Variants in PTPRD observed in about 807,000 individuals in gnomAD.
PTPRD encodes the protein receptor-type tyrosine-protein phosphatase delta.
A neutral mutation model predicts 214.5 loss-of-function variants in PTPRD; 34 were observed. That is an observed-to-expected ratio of 0.16 (90% CI 0.12 to 0.21). PTPRD has a LOEUF of 0.21. Among genes scored for constraint, PTPRD ranks in the 10% least tolerant of loss-of-function variants. PTPRD has a pLI of 1.00. For synonymous variants in PTPRD, 1,128 were observed against 845.7 expected, an observed-to-expected ratio of 1.33 and a Z score of -5.79; for missense variants, 2,545 against 2,398.7, an observed-to-expected ratio of 1.06 and a Z score of -1.27.
chr9:9,704,504 C>A (rs887398470), intron 7 of PTPRD, among the ~76,000 whole-genome samples: 5 of 152,086 alleles, frequency 3.3e-5, no homozygotes, highest in Non-Finnish European at 5.9e-5. Context: ...TTGATAACTC[C>A]CCAATTCAAA....
At chr9:10,587,595 C>T (rs2074261576) in intron 2 of PTPRD, among the ~76,000 whole-genome samples, 1 of 151,966 alleles carries the variant, frequency 6.6e-6, no homozygotes, top group African/African-American at 2.4e-5. Context: ...ATTGCATTTC[C>T]TCATCACTCT....
intron 5 of PTPRD, among the ~76,000 whole-genome samples, chr9:9,908,668 A>C (rs1023487102): frequency 4.6e-5 from 7 of 151,994 alleles, no homozygotes; most frequent in Admixed American, 3.9e-4. Context: ...TTTGCTATTT[A>C]ATATGTGAGT....
chr9:9,029,490 C>T (rs1044654716), intron 10 of PTPRD, among the ~76,000 whole-genome samples: 1 of 58,200 alleles, frequency 1.7e-5, no homozygotes, highest in Admixed American at 1.7e-4. Flanking sequence ...TGCCTAGCTA[C>T]TTGCACTAAA....
At chr9:9,458,377 T>C (rs1453258723) in intron 8 of PTPRD, among the ~76,000 whole-genome samples, 1 of 152,110 alleles carries the variant, frequency 6.6e-6, no homozygotes, top group Non-Finnish European at 1.5e-5. Context: ...CGTTTATTTT[T>C]TACTAACATT....
intron 3 of PTPRD, among the ~76,000 whole-genome samples, chr9:10,181,122 T>C (rs1015342339): frequency 3.3e-5 from 5 of 152,026 alleles, no homozygotes; most frequent in African/African-American, 7.2e-5. Flanking sequence ...AAATAACAAA[T>C]ATTTGTTAAT....
At position 9,669,583 on chromosome 9, in the gene PTPRD, T is replaced by C. The variant is rs191889624; in HGVS notation, c.-287+64950A>G. Among the ~76,000 whole-genome samples, 1,187 of 152,300 alleles carry C rather than the reference T, an allele frequency of 7.8e-3. 13 individuals carry two copies. Among genetic ancestry groups the C allele is most frequent in the African/African-American group, 0.027 (1,130 of 41,570 alleles). On this transcript the variant is annotated intron_variant, in intron 7 of 45. Coordinates refer to ENST00000381196, the MANE Select transcript of PTPRD (RefSeq NM_002839.4). ...TATTGAAAAATGATGTTTTTAAACT[T>C]GTTAAAAATATCAGATTTATTGTAC...
intron 9 of PTPRD, among the ~76,000 whole-genome samples, chr9:9,286,385 C>T (rs926973639): frequency 2.6e-5 from 4 of 151,770 alleles, no homozygotes; most frequent in Admixed American, 2.6e-4. Context: ...TCTTCATGGC[C>T]CTGCCTTCAT....
At chr9:8,460,248 A>G (rs780781609) in intron 33 of PTPRD, 163 bp downstream of exon 33, 1 of 864,344 alleles carries the variant, frequency 1.2e-6, no homozygotes. Context: ...TACAGTCTTT[A>G]CATTTTGATC....
intron 2 of PTPRD, among the ~76,000 whole-genome samples, chr9:10,372,444 A>T (rs559702582): frequency 6.6e-6 from 1 of 152,066 alleles, no homozygotes; most frequent in Non-Finnish European, 1.5e-5. Context: ...TCAATGACAC[A>T]TATCTGGATT....
intron 3 of PTPRD, among the ~76,000 whole-genome samples, chr9:10,263,758 C>T (rs2093857726): frequency 6.6e-6 from 1 of 152,112 alleles, no homozygotes; most frequent in Admixed American, 6.5e-5. Flanking sequence ...AACAAGGAGC[C>T]CAATGTTAAT....
At chr9:10,442,065 T>C (rs1413679816) in intron 2 of PTPRD, among the ~76,000 whole-genome samples, 1 of 151,680 alleles carries the variant, frequency 6.6e-6, no homozygotes, top group Admixed American at 6.6e-5. Context: ...TCACTAACTA[T>C]AGCTGATTCT....
chr9:10,035,717 T>G (rs1041555037), intron 3 of PTPRD, among the ~76,000 whole-genome samples: 1 of 152,064 alleles, frequency 6.6e-6, no homozygotes, highest in Non-Finnish European at 1.5e-5. Flanking sequence ...TACAGTCCAT[T>G]TCCCCCAACC....
intron 7 of PTPRD, among the ~76,000 whole-genome samples, chr9:9,712,408 A>G (rs2097754443): frequency 6.6e-6 from 1 of 152,142 alleles, no homozygotes; most frequent in East Asian, 1.9e-4. Context: ...AAAAAAAATT[A>G]TTTTACTTTT....
intron 7 of PTPRD, among the ~76,000 whole-genome samples, chr9:9,675,338 G>A (rs2096908871): frequency 1.3e-5 from 2 of 151,714 alleles, no homozygotes; most frequent in Admixed American, 1.3e-4. Context: ...TATGAAGAAT[G>A]CCTAAAAATT....
At chr9:10,407,121 T>C (rs1409971296) in intron 2 of PTPRD, among the ~76,000 whole-genome samples, 2 of 151,538 alleles carry the variant, frequency 1.3e-5, no homozygotes, top group African/African-American at 2.4e-5. Flanking sequence ...TGCCAAAATA[T>C]CTCTGATACC....
intron 2 of PTPRD, among the ~76,000 whole-genome samples, chr9:10,462,120 A>T (rs1329960721): frequency 2.0e-5 from 3 of 152,154 alleles, no homozygotes; most frequent in Non-Finnish European, 2.9e-5. Flanking sequence ...AGCGTATTAT[A>T]TACAGGAGTT....
At chr9:8,553,798 T>C (rs2082842337) in intron 14 of PTPRD, among the ~76,000 whole-genome samples, 2 of 152,186 alleles carry the variant, frequency 1.3e-5, no homozygotes. Context: ...ACCTTGTTGT[T>C]TGCCTGTAAA....
intron 5 of PTPRD, among the ~76,000 whole-genome samples, chr9:9,875,487 A>T (rs1382619127): frequency 1.3e-5 from 2 of 152,142 alleles, no homozygotes; most frequent in Non-Finnish European, 2.9e-5. Flanking sequence ...TGACCAATCT[A>T]CACTGCCTTC....
chr9:9,603,982 T>C (rs1482313651), intron 7 of PTPRD, among the ~76,000 whole-genome samples: 1 of 152,238 alleles, frequency 6.6e-6, no homozygotes, highest in Middle Eastern at 3.4e-3. Context: ...ATACAACTCA[T>C]TAAAATTTTT....
Sources: gnomAD v4.1 joint callset for allele counts (sites outside exome capture counted in the v4.1 genomes callset) on GRCh38, gnomAD v4.1.1 for gene constraint, MANE v1.5 for transcripts, NCBI Gene and HGNC (gene_info 2026-07-23, HGNC 2026-07-21) for gene names.